Variants in TMEM87A observed in about 807,000 individuals in gnomAD.
TMEM87A encodes Golgi-pH regulating cation channel.
In TMEM87A, 50 loss-of-function variants were observed where a neutral mutation model predicts 90.0. The observed-to-expected ratio is 0.56, with a 90% CI of 0.44 to 0.70. The LOEUF is 0.70. TMEM87A is among the 30% of genes least tolerant of loss of function. The pLI, the probability that TMEM87A is intolerant of heterozygous loss-of-function variation, is 0.00. For missense variants in TMEM87A, 577 were observed against 660.5 expected (o/e 0.87, Z 1.39); for synonymous variants, 226 against 226.7 (o/e 1.00, Z 0.03).
intron 2 of TMEM87A, among the ~76,000 whole-genome samples, chr15:42,270,913 A>G (rs1168216270): frequency 6.6e-6 from 1 of 152,222 alleles, no homozygotes; most frequent in Admixed American, 6.5e-5. Context: ...ACATTTTTCT[A>G]TTACTTCCCC....
At chr15:42,241,700 A>T (rs1308216155) in intron 7 of TMEM87A, among the ~76,000 whole-genome samples, 1 of 152,128 alleles carries the variant, frequency 6.6e-6, no homozygotes, top group Non-Finnish European at 1.5e-5. Flanking sequence ...TAAAATGAAA[A>T]AACAAGGCCA....
chr15:42,263,167 G>A (rs1037426214), intron 4 of TMEM87A, among the ~76,000 whole-genome samples: 6 of 152,168 alleles, frequency 3.9e-5, no homozygotes, highest in Non-Finnish European at 5.9e-5. Context: ...ATCAACAGAT[G>A]AATGGAAAAA....
chr15:42,231,904 A>G, intron 11 of TMEM87A: 1 of 1,277,276 alleles, frequency 7.8e-7, no homozygotes, highest in South Asian at 1.3e-5. Context: ...GAGTCAAGGG[A>G]TAAGAAAAAT....
chr15:42,272,563 G>A (rs1314123034), intron 1 of TMEM87A: 2 of 201,832 alleles, frequency 9.9e-6, no homozygotes, highest in Non-Finnish European at 2.1e-5. Flanking sequence ...CCTGCATCTG[G>A]TTTTTGTCTG....
intron 6 of TMEM87A, among the ~76,000 whole-genome samples, chr15:42,250,633 T>A (rs1031375394): frequency 6.6e-6 from 1 of 152,250 alleles, no homozygotes; most frequent in African/African-American, 2.4e-5. Context: ...CTTCCCTTTG[T>A]GGGTAACCCG....
At chr15:42,259,487 A>C (rs983631370) in intron 6 of TMEM87A, among the ~76,000 whole-genome samples, 3 of 152,058 alleles carry the variant, frequency 2.0e-5, no homozygotes, top group African/African-American at 7.3e-5. Flanking sequence ...ATCTGACCTG[A>C]CTCAGAGATC....
At chr15:42,212,990 T>G (rs371335900) in intron 19 of TMEM87A, among the ~76,000 whole-genome samples, 2 of 152,128 alleles carry the variant, frequency 1.3e-5, no homozygotes, top group South Asian at 2.1e-4. Context: ...CATGGAAAAA[T>G]TCCCTTTGTG....
At chr15:42,223,411 C>T (rs552854625) in intron 15 of TMEM87A, among the ~76,000 whole-genome samples, 18 of 152,254 alleles carry the variant, frequency 1.2e-4, no homozygotes, top group African/African-American at 3.1e-4. Flanking sequence ...TAAATTCCTA[C>T]GAATCAATAC....
At chr15:42,273,473 C>T, upstream of TMEM87A, 2 of 1,591,576 alleles carry the variant, frequency 1.3e-6, no homozygotes, top group Non-Finnish European at 1.7e-6. Flanking sequence ...CGGCTCTGCT[C>T]TAAGGGCGGG....
intron 11 of TMEM87A, 39 bp downstream of exon 11, chr15:42,233,174 T>C (rs771168706): frequency 2.2e-5 from 34 of 1,527,656 alleles, no homozygotes; most frequent in East Asian, 1.4e-4. Flanking sequence ...AACAATATAA[T>C]TGAACTGACC....
intron 6 of TMEM87A, among the ~76,000 whole-genome samples, chr15:42,245,620 G>A (rs942823258): frequency 3.3e-5 from 5 of 151,334 alleles, no homozygotes; most frequent in African/African-American, 1.2e-4. Flanking sequence ...CGCCTCCCGG[G>A]TTCAAGCAAT....
chr15:42,232,124 T>C (rs7170518), intron 11 of TMEM87A, among the ~76,000 whole-genome samples: 1,535 of 152,318 alleles, frequency 0.01, 31 homozygotes, highest in African/African-American at 0.036. Context: ...ATATTGAATC[T>C]AATAGGTTGC....
chr15:42,250,169 T>A (rs985794149), intron 6 of TMEM87A, among the ~76,000 whole-genome samples: 2 of 152,232 alleles, frequency 1.3e-5, no homozygotes, highest in African/African-American at 4.8e-5. Context: ...TCTCTGCACA[T>A]GAGATGGGTA....
At chr15:42,264,699 A>AT (rs1555409717) in intron 3 of TMEM87A, among the ~76,000 whole-genome samples, 7 of 109,436 alleles carry the variant, frequency 6.4e-5, no homozygotes, top group African/African-American at 2.2e-4. Flanking sequence ...ATATATATAT[A>AT]TTTTTTTTTT....
chr15:42,228,548 CTTT>C (rs996317630), intron 13 of TMEM87A, among the ~76,000 whole-genome samples, 161 bp downstream of exon 13: 8 of 152,124 alleles, frequency 5.3e-5, no homozygotes, highest in African/African-American at 1.9e-4. Flanking sequence ...TGGTTCTCAA[CTTT>C]TTAAAAACCA....
At chr15:42,249,494 T>C (rs981935226) in intron 6 of TMEM87A, among the ~76,000 whole-genome samples, 5 of 152,232 alleles carry the variant, frequency 3.3e-5, no homozygotes, top group African/African-American at 9.7e-5. Context: ...TTTGTTCTCA[T>C]TGGTTTCAAA....
intron 7 of TMEM87A, among the ~76,000 whole-genome samples, chr15:42,243,277 TAAA>T (rs1342101796): frequency 5.7e-5 from 2 of 35,046 alleles, no homozygotes; most frequent in Admixed American, 2.0e-4. Context: ...CAAAAATAAA[TAAA>T]TAAATAAATA....
At chr15:42,213,097 C>T (rs1466156685) in intron 19 of TMEM87A, among the ~76,000 whole-genome samples, 2 of 152,184 alleles carry the variant, frequency 1.3e-5, no homozygotes. Context: ...ACCCTCTTGC[C>T]ATAATTCTTC....
chr15:42,248,706 C>T (rs999790355), intron 6 of TMEM87A, among the ~76,000 whole-genome samples: 18 of 151,992 alleles, frequency 1.2e-4, no homozygotes, highest in African/African-American at 2.4e-4. Flanking sequence ...TGAGGATTTT[C>T]GCATCGATGT....
Sources: gnomAD v4.1 joint callset for allele counts (sites outside exome capture counted in the v4.1 genomes callset) on GRCh38, gnomAD v4.1.1 for gene constraint, MANE v1.5 for transcripts, NCBI Gene and HGNC (gene_info 2026-07-23, HGNC 2026-07-21) for gene names.